HDAC8: variants seen among roughly 807,000 people sequenced by gnomAD.
HDAC8 encodes histone deacetylase 8.
In HDAC8, 1 loss-of-function variant was observed where a neutral mutation model predicts 32.2. That is an observed-to-expected ratio of 0.03 (90% CI 0.01 to 0.15). The LOEUF (loss-of-function observed/expected upper bound fraction) is 0.15. Ranked by LOEUF, HDAC8 falls within the 10% of genes least tolerant of loss-of-function variation. The pLI is 1.00. For synonymous variants in HDAC8, 108 were observed against 113.9 expected (o/e 0.95, Z 0.33); for missense variants, 117 against 300.0 (o/e 0.39, Z 4.51).
intron 9 of HDAC8, among the ~76,000 whole-genome samples, chrX:72,416,861 T>C (rs1254848628): frequency 9.0e-6 from 1 of 110,954 alleles, no homozygotes; most frequent in Non-Finnish European, 1.9e-5. Flanking sequence ...ATCTTTCTTT[T>C]ATCGATTTCC....
At chrX:72,509,861 C>T (rs1477563365) in intron 4 of HDAC8, among the ~76,000 whole-genome samples, 2 of 110,964 alleles carry the variant, frequency 1.8e-5, no homozygotes, top group African/African-American at 6.6e-5. Flanking sequence ...ACAGTTTTCC[C>T]TTACCTGTTT....
At chrX:72,558,196 T>A (rs187173342) in intron 4 of HDAC8, among the ~76,000 whole-genome samples, 2 of 112,041 alleles carry the variant, frequency 1.8e-5, no homozygotes, top group East Asian at 5.6e-4. Context: ...ATTGACACTA[T>A]TCCAAAAGTT....
chrX:72,417,894 C>G (rs2046388714), intron 9 of HDAC8, among the ~76,000 whole-genome samples: 1 of 111,216 alleles, frequency 9.0e-6, no homozygotes, highest in South Asian at 3.7e-4. Flanking sequence ...AAACAGAATA[C>G]AAACCCCTGA....
At chrX:72,509,896 T>G (rs1453552247) in intron 4 of HDAC8, among the ~76,000 whole-genome samples, 1 of 111,677 alleles carries the variant, frequency 9.0e-6, no homozygotes, top group Non-Finnish European at 1.9e-5. Context: ...ATTTACCATT[T>G]TACCACTTTT....
At chrX:72,500,107 T>C (rs2049159481) in intron 4 of HDAC8, among the ~76,000 whole-genome samples, 2 of 111,053 alleles carry the variant, frequency 1.8e-5, no homozygotes, top group Admixed American at 1.9e-4. Flanking sequence ...AACAGACCAA[T>C]AATGAGCTCC....
chrX:72,455,843 T>A (rs1388976471), intron 9 of HDAC8, among the ~76,000 whole-genome samples: 1 of 112,052 alleles, frequency 8.9e-6, no homozygotes, highest in Non-Finnish European at 1.9e-5. Flanking sequence ...ATGTATAAGA[T>A]GGGTCAAATA....
chrX:72,434,677 G>C, intron 9 of HDAC8, among the ~76,000 whole-genome samples: 1 of 111,652 alleles, frequency 9.0e-6, no homozygotes, highest in Middle Eastern at 4.7e-3. Flanking sequence ...AGCATTTAGG[G>C]ACTAAGAGGT....
chrX:72,480,379 T>C, intron 7 of HDAC8: 1 of 330,756 alleles, frequency 3.0e-6, no homozygotes, highest in Non-Finnish European at 5.9e-6. Context: ...TATTAGCTTG[T>C]GCTCATGCTG....
At chrX:72,337,800 C>G (rs2043748744) in intron 10 of HDAC8, among the ~76,000 whole-genome samples, 1 of 112,062 alleles carries the variant, frequency 8.9e-6, no homozygotes, top group African/African-American at 3.2e-5. Flanking sequence ...AGGGGCCGGT[C>G]CCTTGCCTCC....
At chrX:72,427,276 T>C (rs1829622840) in intron 9 of HDAC8, among the ~76,000 whole-genome samples, 1 of 111,331 alleles carries the variant, frequency 9.0e-6, no homozygotes, top group Non-Finnish European at 1.9e-5. Context: ...TAAATCATCC[T>C]GCTATAAAGA....
At chrX:72,437,425 C>A (rs1487697458) in intron 9 of HDAC8, among the ~76,000 whole-genome samples, 1 of 111,554 alleles carries the variant, frequency 9.0e-6, no homozygotes, top group Admixed American at 9.5e-5. Context: ...TTTGGGCAGA[C>A]ACTGAGCTAG....
intron 10 of HDAC8, among the ~76,000 whole-genome samples, chrX:72,330,607 G>A (rs2043491400): frequency 9.0e-6 from 1 of 111,287 alleles, no homozygotes; most frequent in Admixed American, 9.6e-5. Flanking sequence ...GCTTTCCTCT[G>A]ATCTCAGGCC....
chrX:72,489,738 C>CA (rs1488961692), intron 6 of HDAC8, among the ~76,000 whole-genome samples: 1 of 110,772 alleles, frequency 9.0e-6, no homozygotes, highest in African/African-American at 3.3e-5. Flanking sequence ...CAACAAAAGC[C>CA]AAAATTGACA....
intron 4 of HDAC8, among the ~76,000 whole-genome samples, chrX:72,523,490 T>C (rs1347769650): frequency 9.0e-6 from 1 of 111,534 alleles, no homozygotes; most frequent in Admixed American, 9.5e-5. Flanking sequence ...CTCTGATTCC[T>C]ATACACTACT....
chrX:72,348,496 T>C (rs1267616697), intron 10 of HDAC8, among the ~76,000 whole-genome samples: 3 of 112,685 alleles, frequency 2.7e-5, no homozygotes, highest in African/African-American at 6.4e-5. Flanking sequence ...AGTATCAGTA[T>C]AGCAGGTTAG....
intron 4 of HDAC8, among the ~76,000 whole-genome samples, chrX:72,528,383 C>T (rs1235530654): frequency 8.9e-6 from 1 of 111,969 alleles, no homozygotes; most frequent in African/African-American, 3.3e-5. Flanking sequence ...TTAGATTAAT[C>T]TGTGTGGCTG....
intron 4 of HDAC8, among the ~76,000 whole-genome samples, chrX:72,495,511 A>G (rs2048993939): frequency 8.9e-6 from 1 of 112,154 alleles, no homozygotes; most frequent in African/African-American, 3.2e-5. Context: ...AGATTTTCAA[A>G]GCATTAGAAT....
chrX:72,380,943 G>A (rs2045251228), intron 9 of HDAC8, among the ~76,000 whole-genome samples: 1 of 111,644 alleles, frequency 9.0e-6, no homozygotes, highest in South Asian at 3.7e-4. Context: ...AACATTTACA[G>A]CACATCTCAA....
chrX:72,335,541 G>A (rs1205687200), intron 10 of HDAC8, among the ~76,000 whole-genome samples: 1 of 111,986 alleles, frequency 8.9e-6, no homozygotes, highest in South Asian at 3.7e-4. Flanking sequence ...TGTACAACGG[G>A]TTTATCCATT....
Sources: allele counts gnomAD v4.1 joint callset (sites outside exome capture counted in the v4.1 genomes callset), GRCh38; gene constraint gnomAD v4.1.1; transcripts MANE v1.5; gene names NCBI Gene and HGNC (gene_info 2026-07-23, HGNC 2026-07-21).